The following DNAH11 variants were observed in gnomAD, a reference collection of about 807,000 sequenced individuals.
DNAH11 encodes the protein dynein axonemal heavy chain 11, also known as axonemal beta dynein heavy chain 11.
A neutral mutation model predicts 526.0 loss-of-function variants in DNAH11; 442 were observed. The observed-to-expected ratio is 0.84, with a 90% CI of 0.78 to 0.91. The LOEUF (loss-of-function observed/expected upper bound fraction) is 0.91, where lower values mean the gene tolerates loss of function less well. Ranked by LOEUF, DNAH11 falls within the 40% of genes least tolerant of loss-of-function variation. The pLI, the probability that DNAH11 is intolerant of heterozygous loss-of-function variation, is 0.00. For synonymous variants in DNAH11, 2,461 were observed against 1,935.9 expected (o/e 1.27, Z -7.12); for missense variants, 6,989 against 5,448.7 (o/e 1.28, Z -8.90).
intron 75 of DNAH11, among the ~76,000 whole-genome samples, chr7:21,883,423 T>C (rs910521442): frequency 4.3e-4 from 65 of 152,326 alleles, no homozygotes; most frequent in African/African-American, 1.5e-3. Context: ...AAACATGGTA[T>C]AGTCATTAGT....
chr7:21,720,884 A>G, intron 44 of DNAH11, 28 bp downstream of exon 44: 1 of 1,604,266 alleles, frequency 6.2e-7, no homozygotes, highest in Non-Finnish European at 8.5e-7. Context: ...TTACAGGACC[A>G]GTTTCCAGTT....
intron 4 of DNAH11, among the ~76,000 whole-genome samples, 165 bp from the exon 5 acceptor site, chr7:21,560,906 T>C (rs1783430995): frequency 6.6e-6 from 1 of 152,116 alleles, no homozygotes; most frequent in South Asian, 2.1e-4. Context: ...AAGAAAAAAA[T>C]GTATTTTTAA....
At chr7:21,565,477 G>A (rs1401432441) in intron 6 of DNAH11, among the ~76,000 whole-genome samples, 1 of 152,170 alleles carries the variant, frequency 6.6e-6, no homozygotes, top group Non-Finnish European at 1.5e-5. Context: ...TCCCTGAGCA[G>A]TTAGGAGGAA....
intron 30 of DNAH11, among the ~76,000 whole-genome samples, chr7:21,677,226 CAAATT>C (rs1489981730): frequency 1.7e-4 from 19 of 108,864 alleles, no homozygotes; most frequent in African/African-American, 5.2e-4. Flanking sequence ...TTTTTTTAAA[CAAATT>C]AAAGATCTGT....
intron 30 of DNAH11, among the ~76,000 whole-genome samples, chr7:21,667,774 C>T (rs1259250458): frequency 2.6e-5 from 4 of 151,844 alleles, no homozygotes; most frequent in Non-Finnish European, 5.9e-5. Context: ...TGACTGTGTA[C>T]GTATGTGATT....
chr7:21,839,910 T>C (rs1782140687), intron 65 of DNAH11, among the ~76,000 whole-genome samples: 1 of 152,228 alleles, frequency 6.6e-6, no homozygotes, highest in Admixed American at 6.5e-5. Context: ...ATCAGTCCTT[T>C]GGGATTTTAA....
At chr7:21,692,946 C>G (rs1230654912) in intron 35 of DNAH11, among the ~76,000 whole-genome samples, 1 of 152,124 alleles carries the variant, frequency 6.6e-6, no homozygotes, top group African/African-American at 2.4e-5. Flanking sequence ...CTTTTACATA[C>G]TTATTGTCTA....
chr7:21,691,754 T>C (rs1783641488), intron 35 of DNAH11, among the ~76,000 whole-genome samples: 1 of 152,246 alleles, frequency 6.6e-6, no homozygotes, highest in African/African-American at 2.4e-5. Flanking sequence ...TATCATTTTA[T>C]GTAGCTCTAA....
At chr7:21,770,379 G>C (rs1787383092) in intron 55 of DNAH11, among the ~76,000 whole-genome samples, 1 of 152,172 alleles carries the variant, frequency 6.6e-6, no homozygotes, top group Non-Finnish European at 1.5e-5. Flanking sequence ...AGTTTTGACT[G>C]TGACCCATTA....
intron 70 of DNAH11, among the ~76,000 whole-genome samples, chr7:21,865,751 A>G (rs1371306054): frequency 6.6e-6 from 1 of 152,238 alleles, no homozygotes; most frequent in Non-Finnish European, 1.5e-5. Flanking sequence ...AGCGAAAGCA[A>G]GTTTATTAAT....
At position 21,872,123 on chromosome 7, in the gene DNAH11, C is replaced by CAAAAAAAAAAAAAAAAAAA. The variant is rs776718319; in HGVS notation, c.11968-1143_11968-1125dup. On this transcript the variant is annotated intron_variant, in intron 73 of 81. Transcript: ENST00000409508. Reference sequence around the variant, plus strand: ...TGGGTGACAGAGCGAGACTCTGTCTCAAAAAAAAAAAAAAAAAAAAAAAAA... The same window carrying CAAAAAAAAAAAAAAAAAAA: ...TGGGTGACAGAGCGAGACTCTGTCTCAAAAAAAAAAAAAAAAAAAAAAAAAAAAAAAAAAAAAAAAAAAA... Among the ~76,000 whole-genome samples the CAAAAAAAAAAAAAAAAAAA allele has an allele frequency of 1.8e-3, 55 of 30,828 alleles. 13 individuals carry two copies. Among genetic ancestry groups the CAAAAAAAAAAAAAAAAAAA allele is most frequent in the Non-Finnish European group, 2.6e-3 (47 of 17,972 alleles). The allele number at this position is 30,828 out of a possible 152,430, so 20.2% of individuals were successfully genotyped here. A position where few individuals can be genotyped will look rare whatever the true frequency, so the allele number is the denominator to read the frequency against.
chr7:21,694,091 C>G (rs1284694098), intron 35 of DNAH11, among the ~76,000 whole-genome samples: 1 of 152,186 alleles, frequency 6.6e-6, no homozygotes, highest in Non-Finnish European at 1.5e-5. Flanking sequence ...AGGTCCCTCC[C>G]CCAACATTGA....
chr7:21,663,466 T>TC (rs548763705), intron 30 of DNAH11, among the ~76,000 whole-genome samples: 9 of 152,132 alleles, frequency 5.9e-5, no homozygotes, highest in East Asian at 1.9e-4. Context: ...TTCTTTTTTT[T>TC]CCGCATCTTC....
chr7:21,811,590 T>C (rs1020929830), intron 63 of DNAH11, among the ~76,000 whole-genome samples: 8 of 152,104 alleles, frequency 5.3e-5, no homozygotes, highest in African/African-American at 1.9e-4. Context: ...GGAGTTATTG[T>C]TTAATAGGTA....
At chr7:21,682,870 C>G (rs1248608855) in intron 31 of DNAH11, among the ~76,000 whole-genome samples, 1 of 152,152 alleles carries the variant, frequency 6.6e-6, no homozygotes, top group Non-Finnish European at 1.5e-5. Flanking sequence ...GATCCAGCTT[C>G]AGGACCACTA....
chr7:21,657,517 A>G (rs576950314), intron 29 of DNAH11, among the ~76,000 whole-genome samples: 1 of 152,280 alleles, frequency 6.6e-6, no homozygotes, highest in East Asian at 1.9e-4. Context: ...ATTGACATGT[A>G]TGTGTGTTTG....
At chr7:21,627,048 T>G (rs1278084215) in intron 25 of DNAH11, among the ~76,000 whole-genome samples, 1 of 152,136 alleles carries the variant, frequency 6.6e-6, no homozygotes, top group East Asian at 1.9e-4. Context: ...GCGCCCGGCC[T>G]GTGTGTCTTC....
At position 21,866,587 on chromosome 7, in the gene DNAH11, T is replaced by A; in HGVS notation, c.11614T>A (p.Trp3872Arg). The stretch of plus-strand genomic sequence containing the variant: ...AGAAAAAGAAAAATTACCTCAAGAA[T>A]GGAAGAAGAAAAGTTTAATACAGAA... ...CPEKEKLPQEWKKKSLIQKLI... is the reference protein window; with the variant it reads ...CPEKEKLPQERKKKSLIQKLI... The change falls in exon 71 of 82, where the codon TGG (tryptophan) becomes AGG (arginine). Residue 3872 changes from tryptophan to arginine, a missense_variant. Physicochemically the swap from Trp to Arg is moderately radical, Grantham distance 101. Transcript: ENST00000409508. 1 of 1,613,776 alleles carries A rather than the reference T, an allele frequency of 6.2e-7. No homozygotes were observed. Among genetic ancestry groups the A allele is most frequent in the Non-Finnish European group, 8.5e-7 (1 of 1,179,838 alleles).
intron 61 of DNAH11, among the ~76,000 whole-genome samples, chr7:21,800,548 C>T (rs115587464): frequency 0.012 from 1,800 of 152,254 alleles, 39 homozygotes; most frequent in African/African-American, 0.041. Flanking sequence ...GCAGGAATCA[C>T]TTGAACCTGG....
Sources: gnomAD v4.1 joint callset for allele counts (sites outside exome capture counted in the v4.1 genomes callset) on GRCh38, gnomAD v4.1.1 for gene constraint, MANE v1.5 for transcripts, NCBI Gene and HGNC (gene_info 2026-07-23, HGNC 2026-07-21) for gene names.